The following METTL21C variants were observed in gnomAD, a reference collection of about 807,000 sequenced individuals.
METTL21C encodes the protein methyltransferase 21C, AARS1 lysine.
In METTL21C, 21 loss-of-function variants were observed where a neutral mutation model predicts 25.9. That is an observed-to-expected ratio of 0.81 (90% CI 0.58 to 1.17). The LOEUF (loss-of-function observed/expected upper bound fraction) is 1.17, where lower values mean the gene tolerates loss of function less well. Ranked by LOEUF, METTL21C falls within the 50% of genes most tolerant of loss-of-function variation. The probability of loss-of-function intolerance (pLI) is 0.00; values close to 1 mark genes in which losing one functional copy is unlikely to be tolerated. For missense variants in METTL21C, 312 were observed against 315.1 expected (o/e 0.99, Z 0.07); for synonymous variants, 125 against 124.7 (o/e 1.00, Z -0.01).
chr13:102,700,985 C>T, the METTL21C span, among the ~76,000 whole-genome samples: 1 of 151,994 alleles, frequency 6.6e-6, no homozygotes, highest in African/African-American at 2.4e-5. Flanking sequence ...ATTTTAGCAA[C>T]AGCAGTTGAC....
In METTL21C at chr13:102,686,173, AC is replaced by A; in HGVS notation, c.652del (p.Val218CysfsTer17). ...TMVYLSQPGTVLLWANKFRFS... is the reference protein window; with the variant it reads ...TMVYLSQPGTXLLWANKFRFS... ...CCTGAATTTGTTTGCCCAAAGCAGC[AC>A]CGTCCCTGGCTGGGAAAGGTACACC... On this transcript the variant is annotated frameshift_variant, in exon 4 of 4. Transcript: ENST00000267273. LOFTEE classifies it high-confidence loss of function. 1 of 1,614,202 alleles carries A rather than the reference AC, an allele frequency of 6.2e-7. No homozygotes were observed. The highest frequency in any genetic ancestry group is 8.5e-7 in the Non-Finnish European group (1 of 1,180,032).
chr13:102,691,209 T>C (rs1239659771), intron 1 of METTL21C, among the ~76,000 whole-genome samples: 3 of 152,188 alleles, frequency 2.0e-5, no homozygotes, highest in African/African-American at 7.2e-5. Context: ...CTGGGCCTTT[T>C]CTTTATTTAG....
upstream of METTL21C, among the ~76,000 whole-genome samples, chr13:102,697,855 C>T (rs1027486748): frequency 2.6e-5 from 4 of 152,140 alleles, no homozygotes; most frequent in Non-Finnish European, 5.9e-5. Flanking sequence ...CAGGAGCAGG[C>T]GACCAGAGCT....
chr13:102,688,751 A>G (rs982057932), intron 2 of METTL21C, among the ~76,000 whole-genome samples: 1 of 152,184 alleles, frequency 6.6e-6, no homozygotes, highest in Middle Eastern at 3.2e-3. Context: ...AACTTCCTGG[A>G]GATGGCTGCA....
chr13:102,688,311 G>A (rs976478222), intron 2 of METTL21C, among the ~76,000 whole-genome samples: 1 of 152,182 alleles, frequency 6.6e-6, no homozygotes, highest in Non-Finnish European at 1.5e-5. Context: ...GAACTGCCAC[G>A]GGCAAAGATG....
At chr13:102,689,735 G>A (rs1039251783) in intron 2 of METTL21C, among the ~76,000 whole-genome samples, 3 of 152,234 alleles carry the variant, frequency 2.0e-5, no homozygotes, top group African/African-American at 4.8e-5. Context: ...CCAGTCGGGA[G>A]CTTTACCACG....
intron 3 of METTL21C, 118 bp downstream of exon 3, chr13:102,686,820 GGA>G: frequency 1.4e-6 from 1 of 728,674 alleles, no homozygotes; most frequent in Non-Finnish European, 2.4e-6. Context: ...GACATTTTGG[GGA>G]GAGTCACTGA....
upstream of METTL21C, among the ~76,000 whole-genome samples, chr13:102,697,122 A>G (rs1264680626): frequency 1.3e-5 from 2 of 152,198 alleles, no homozygotes; most frequent in Non-Finnish European, 2.9e-5. Context: ...AGAAGCCTAC[A>G]TAATGGAAAG....
intron 2 of METTL21C, among the ~76,000 whole-genome samples, chr13:102,688,128 G>A (rs1318788065): frequency 2.0e-5 from 3 of 152,224 alleles, no homozygotes; most frequent in Non-Finnish European, 4.4e-5. Flanking sequence ...TTAGGCCCTA[G>A]CTAAAGATAT....
Position 102,685,781 on chromosome 13 carries a change from A to G in METTL21C, c.*250T>C, listed in dbSNP as rs1342979376. ...CCATGTAAGATTTATTAAACATGTA[A>G]CTTCGTTGGAACCAACAAAGCTACT... is the stretch of plus-strand genomic sequence containing the variant. On this transcript the variant is annotated 3_prime_UTR_variant, in exon 4 of 4. Transcript: ENST00000267273. The G allele has an allele frequency of 3.5e-5, 14 of 398,896 alleles. No homozygotes were observed. The highest frequency in any genetic ancestry group is 4.2e-5 in the Admixed American group (1 of 23,878). The allele number at this position is 398,896 out of a possible 1,614,324, so 24.7% of individuals were successfully genotyped here.
the METTL21C span, among the ~76,000 whole-genome samples, chr13:102,700,673 A>C: frequency 0.046 from 7,073 of 152,300 alleles, 401 homozygotes; most frequent in East Asian, 0.29. Context: ...TTAATAAATG[A>C]TACCTTTCTG....
Position 102,694,410 on chromosome 13 carries a change from T to C in METTL21C, c.89A>G (p.Lys30Arg). 6.7e-7 allele frequency: 1 copy of C among 1,483,948 alleles called. No individual in the cohort carries two copies. The highest frequency in any genetic ancestry group is 8.9e-7 in the Non-Finnish European group (1 of 1,124,316). 91.9% of individuals were successfully genotyped at this position (1,483,948 alleles called of 1,614,324 possible). ...GGTGCTGTCTTTCTGCGGAGCCCCC[T>C]TCTTCTCAGCCTCTAACCAGCCACC... ...SPGGWLEAEK[K>R]GAPQKDSTGG... The change falls in exon 1 of 4, where the codon AAG becomes AGG. Residue 30 changes from lysine to arginine, a missense_variant. Coordinates refer to ENST00000267273, the MANE Select transcript of METTL21C (RefSeq NM_001010977.3).
chr13:102,701,909 G>C, the METTL21C span, among the ~76,000 whole-genome samples: 2,421 of 152,050 alleles, frequency 0.016, 78 homozygotes, highest in African/African-American at 0.056. Flanking sequence ...CTCATGCTAT[G>C]ATTCCAGCAC....
At chr13:102,698,395 T>C (rs1885981452), upstream of METTL21C, among the ~76,000 whole-genome samples, 1 of 152,218 alleles carries the variant, frequency 6.6e-6, no homozygotes, top group Non-Finnish European at 1.5e-5. Context: ...TTCCTTGTTG[T>C]TGTTTGTCTG....
rs1458932037 is a variant in METTL21C, at chr13:102,694,912, A to T, written c.-414T>A. ...CTCTCTCTCTCTCTCACACACACAC[A>T]CACACACACACACACACGCACAGTC... On this transcript the variant is annotated 5_prime_UTR_variant, in exon 1 of 4. An upstream open reading frame in the 5' UTR gains an earlier in-frame stop. Coordinates refer to ENST00000267273, the MANE Select transcript of METTL21C (RefSeq NM_001010977.3). Among the ~76,000 whole-genome samples the T allele has an allele frequency of 2.4e-4, 36 of 150,204 alleles. 1 individual carries two copies. The South Asian group carries it at 6.8e-3, about 29-fold the overall frequency.
intron 2 of METTL21C, among the ~76,000 whole-genome samples, chr13:102,687,282 C>T (rs755527762): frequency 1.3e-5 from 2 of 152,158 alleles, no homozygotes; most frequent in African/African-American, 2.4e-5. Context: ...TGTTAAATTG[C>T]CTCCTAAATC....
the METTL21C span, among the ~76,000 whole-genome samples, chr13:102,703,724 G>A: frequency 6.6e-6 from 1 of 152,174 alleles, no homozygotes; most frequent in Non-Finnish European, 1.5e-5. Context: ...AATCTAAGCT[G>A]TTGGAACTTT....
upstream of METTL21C, among the ~76,000 whole-genome samples, chr13:102,699,078 C>G (rs985878017): frequency 2.0e-5 from 3 of 152,136 alleles, no homozygotes; most frequent in African/African-American, 4.8e-5. Flanking sequence ...AAGCCTTGCA[C>G]CAAACCACGA....
Position 102,686,347 on chromosome 13 carries a change from C to T in METTL21C, c.479G>A (p.Cys160Tyr), listed in dbSNP as rs762391332. ...QYNLLKNTLQ[C>Y]TAHLPEVKEL... The stretch of plus-strand genomic sequence containing the variant: ...TTTCACTTCAGGCAGATGTGCTGTA[C>T]ATTGTAGTGTGTTTTTTAAAAGATT... The change falls in exon 4 of 4, where the codon TGT (cysteine) becomes TAT (tyrosine). Residue 160 changes from cysteine to tyrosine, a missense_variant. Physicochemically the swap from Cys to Tyr is radical, Grantham distance 194 (BLOSUM62 -2). Coordinates refer to ENST00000267273, the MANE Select transcript of METTL21C (RefSeq NM_001010977.3). 4.3e-6 allele frequency: 7 copies of T among 1,614,182 alleles called. No individual in the cohort carries two copies. The South Asian group carries it at 7.7e-5, about 18-fold the overall frequency.
Sources: allele counts gnomAD v4.1 joint callset (sites outside exome capture counted in the v4.1 genomes callset), GRCh38; gene constraint gnomAD v4.1.1; transcripts MANE v1.5; gene names NCBI Gene and HGNC (gene_info 2026-07-23, HGNC 2026-07-21).